UGT2B4: variants seen among roughly 807,000 people sequenced by gnomAD.
The protein encoded by UGT2B4 is UDP-glucuronosyltransferase 2B4.
Under a neutral mutation model 49.8 loss-of-function variants are expected in UGT2B4, and 49 were observed. The observed-to-expected ratio is 0.98, with a 90% CI of 0.78 to 1.25. The LOEUF is 1.25. Among genes scored for constraint, UGT2B4 ranks in the 50% most tolerant of loss-of-function variants. The pLI, the probability that UGT2B4 is intolerant of heterozygous loss-of-function variation, is 0.00. For missense variants in UGT2B4, 729 were observed against 627.7 expected (o/e 1.16, Z -1.73); for synonymous variants, 246 against 217.7 (o/e 1.13, Z -1.14).
intron 2 of UGT2B4, among the ~76,000 whole-genome samples, chr4:69,490,790 T>C (rs1021808884): frequency 6.6e-6 from 1 of 152,164 alleles, no homozygotes; most frequent in East Asian, 1.9e-4. Context: ...ACATAGGATA[T>C]CCAGGTATTG....
Position 69,485,354 on chromosome 4 carries a change from G to A in UGT2B4, c.1164C>T (p.Ile388=), listed in dbSNP as rs973997055. ...NGIYEAIYHG[I]PMVGVPLFAD... is the part of the protein sequence containing the mutation. ...CAAACAATGGAACGCCCACCATAGG[G>A]ATTCCATGGTAGATTGCCTCATAGA... Residue 388 remains isoleucine, a synonymous_variant, in exon 5 of 6, where the codon ATC becomes ATT. Coordinates refer to ENST00000305107, the MANE Select transcript of UGT2B4 (RefSeq NM_021139.3). 1.9e-6 allele frequency: 3 copies of A among 1,614,000 alleles called. No individual in the cohort carries two copies. Among genetic ancestry groups the A allele is most frequent in the Non-Finnish European group, 1.7e-6 (2 of 1,179,918 alleles).
chr4:69,489,851 A>G (rs1315880247), intron 2 of UGT2B4, among the ~76,000 whole-genome samples: 2 of 152,088 alleles, frequency 1.3e-5, no homozygotes, highest in Non-Finnish European at 2.9e-5. Context: ...TTGAGGAGAT[A>G]CCCAAACTCT....
At chr4:69,496,012 CAA>C (rs1165307680), upstream of UGT2B4, 10 of 1,264,950 alleles carry the variant, frequency 7.9e-6, no homozygotes, top group Non-Finnish European at 1.1e-5. Flanking sequence ...ATGTGGATGA[CAA>C]AGAGACAAAT....
chr4:69,495,770 G>C lies in UGT2B4; in HGVS notation c.92C>G (p.Thr31Arg), dbSNP rs1270325955. The C allele has an allele frequency of 6.2e-7, 1 of 1,613,876 alleles. No individual in the cohort carries two copies. The highest frequency in any genetic ancestry group is 8.5e-7 in the Non-Finnish European group (1 of 1,179,942). Residue 31 changes from threonine (T) to arginine (R), a missense_variant, in exon 1 of 6, where the codon ACA (threonine) becomes AGA (arginine). Physicochemically the swap from Thr to Arg is moderately conservative, Grantham distance 71 (BLOSUM62 -1). Coordinates refer to ENST00000305107, the MANE Select transcript of UGT2B4 (RefSeq NM_021139.3). ...GSCGKVLVWP[T>R]EFSHWMNIKT... ...TATATTCATCCAGTGGCTGAATTCT[G>C]TGGGCCACACCAGCACCTTTCCACA...
Position 69,486,660 on chromosome 4 carries a change from A to G in UGT2B4, c.1039T>C (p.Leu347=), listed in dbSNP as rs549911428. The change falls in exon 4 of 6, where the codon TTA becomes CTA. Residue 347 remains leucine, a synonymous_variant. Transcript: ENST00000305107. The part of the protein sequence containing the change: ...WRFDGNKPDT[L]GLNTRLYKWI... ...TTGTACAGCCGAGTATTGAGTCCTAAAGTATCTGGTTTATTCCCATCAAAT... is the reference window on the plus strand; with the variant it reads ...TTGTACAGCCGAGTATTGAGTCCTAGAGTATCTGGTTTATTCCCATCAAAT... The G allele has an allele frequency of 6.2e-7, 1 of 1,609,038 alleles. No individual in the cohort carries two copies. Among genetic ancestry groups the G allele is most frequent in the African/African-American group, 1.3e-5 (1 of 74,696 alleles).
intron 1 of UGT2B4, among the ~76,000 whole-genome samples, chr4:69,516,725 G>A (rs904414401): frequency 3.3e-5 from 5 of 151,918 alleles, no homozygotes; most frequent in African/African-American, 9.7e-5. Context: ...TCATGTTTCA[G>A]TCTCTCGGAG....
upstream of UGT2B4, among the ~76,000 whole-genome samples, chr4:69,498,327 T>C (rs565230745): frequency 6.6e-6 from 1 of 152,278 alleles, no homozygotes; most frequent in South Asian, 2.1e-4. Context: ...GTGGGCAAGA[T>C]GGCCAACTAG....
rs968143526 is a variant in UGT2B4 at position 69,480,619 on chromosome 4, C to T, written c.*15G>A. 1.6e-5 allele frequency: 26 copies of T among 1,609,250 alleles called. No individual in the cohort carries two copies. The highest frequency in any genetic ancestry group is 2.1e-5 in the Non-Finnish European group (25 of 1,176,898). On this transcript the variant is annotated 3_prime_UTR_variant, in exon 6 of 6. Transcript: ENST00000305107. ...TTCATTTATTGGGTTTCCCAGCTTC[C>T]AGCCTCAGACGTAATTAATCTCTTT...
intron 1 of UGT2B4, among the ~76,000 whole-genome samples, chr4:69,502,758 A>G (rs1728375322): frequency 6.6e-6 from 1 of 152,006 alleles, no homozygotes; most frequent in Non-Finnish European, 1.5e-5. Flanking sequence ...GGTGGAATTT[A>G]CCTTGCTACC....
chr4:69,498,825 T>A (rs143621413), upstream of UGT2B4, among the ~76,000 whole-genome samples: 31 of 152,184 alleles, frequency 2.0e-4, no homozygotes, highest in East Asian at 2.1e-3. Flanking sequence ...GCTCCTGGAT[T>A]TGTTGATTTT....
chr4:69,507,903 T>C (rs1449886951), intron 1 of UGT2B4, among the ~76,000 whole-genome samples: 1 of 152,024 alleles, frequency 6.6e-6, no homozygotes, highest in Non-Finnish European at 1.5e-5. Flanking sequence ...AAAGAAAATA[T>C]CAACAGATTA....
chr4:69,491,682 C>T (rs905282243), intron 2 of UGT2B4, among the ~76,000 whole-genome samples: 23 of 152,174 alleles, frequency 1.5e-4, no homozygotes, highest in African/African-American at 2.9e-4. Context: ...ACATGTACTA[C>T]GACTCAATCT....
chr4:69,484,025 A>G (rs1270961397), intron 5 of UGT2B4, among the ~76,000 whole-genome samples: 1 of 152,222 alleles, frequency 6.6e-6, no homozygotes, highest in Non-Finnish European at 1.5e-5. Flanking sequence ...AAGAATGTAT[A>G]TGCATGGTCA....
chr4:69,489,431 T>C lies in UGT2B4; in HGVS notation c.1002+8A>G. 2.5e-6 allele frequency: 4 copies of C among 1,609,390 alleles called. No individual in the cohort carries two copies. Among genetic ancestry groups the C allele is most frequent in the Non-Finnish European group, 3.4e-6 (4 of 1,177,014 alleles). On this transcript the variant is annotated splice_region_variant and intron_variant, in intron 3 of 5. Coordinates refer to ENST00000305107, the MANE Select transcript of UGT2B4 (RefSeq NM_021139.3). ...AGTTTTTTACACCATTAAAACATTTTATCTTACCTTTTGTGGGATCTTGGC... is the reference window on the plus strand; with the variant it reads ...AGTTTTTTACACCATTAAAACATTTCATCTTACCTTTTGTGGGATCTTGGC...
In UGT2B4 at chr4:69,486,616, A is replaced by C; in HGVS notation, c.1083T>G (p.Asp361Glu). The C allele has an allele frequency of 1.9e-6, 3 of 1,593,836 alleles. No homozygotes were observed. The highest frequency in any genetic ancestry group is 2.6e-6 in the Non-Finnish European group (3 of 1,172,480). The change falls in exon 4 of 6, where the codon GAT becomes GAG. Residue 361 changes from aspartate to glutamate, a missense_variant. Coordinates refer to ENST00000305107, the MANE Select transcript of UGT2B4 (RefSeq NM_021139.3). ...TGTTCTTCAGAGACTTACCAAGAAG[A>C]TCATTCTGGGGTATCCACTTGTACA... is the stretch of plus-strand genomic sequence containing the variant. ...TRLYKWIPQN[D>E]LLGHPKTRAF... is the part of the protein sequence containing the mutation.
intron 1 of UGT2B4, chr4:69,517,725 G>A (rs115185211): frequency 1.8e-4 from 29 of 161,692 alleles, no homozygotes; most frequent in African/African-American, 5.3e-4. Context: ...AGTTAAAATC[G>A]TGGAGCCACA....
chr4:69,514,074 C>A (rs927349939), intron 1 of UGT2B4, among the ~76,000 whole-genome samples: 4 of 151,430 alleles, frequency 2.6e-5, no homozygotes, highest in African/African-American at 9.7e-5. Flanking sequence ...ATGTCAAAAT[C>A]TTTAAAATTT....
chr4:69,525,359 A>G (rs1728956476), intron 1 of UGT2B4, among the ~76,000 whole-genome samples: 1 of 152,220 alleles, frequency 6.6e-6, no homozygotes, highest in African/African-American at 2.4e-5. Flanking sequence ...ATCTGAGACT[A>G]GAAGAAATGC....
chr4:69,481,091 G>GAAAAAAAAAAAAAAAAAA (rs57494102), intron 5 of UGT2B4, among the ~76,000 whole-genome samples, 181 bp from the exon 6 acceptor site: 10 of 67,814 alleles, frequency 1.5e-4, no homozygotes, highest in South Asian at 8.4e-4. Flanking sequence ...GTAAAAATAT[G>GAAAAAAAAAAAAAAAAAA]AAAAAAAAAA....
Sources: gnomAD v4.1 joint callset for allele counts (sites outside exome capture counted in the v4.1 genomes callset) on GRCh38, gnomAD v4.1.1 for gene constraint, MANE v1.5 for transcripts, NCBI Gene and HGNC (gene_info 2026-07-23, HGNC 2026-07-21) for gene names.